The following NUP214 variants were observed in gnomAD, a reference collection of about 807,000 sequenced individuals.
NUP214 encodes nuclear pore complex protein Nup214.
In NUP214, 79 loss-of-function variants were observed where a neutral mutation model predicts 196.2. The ratio of observed to expected loss-of-function variants is 0.40; its 90% confidence interval spans 0.34 to 0.49. The LOEUF (loss-of-function observed/expected upper bound fraction) is 0.49, where lower values mean the gene tolerates loss of function less well. Ranked by LOEUF, NUP214 falls within the 20% of genes least tolerant of loss-of-function variation. The pLI, the probability that NUP214 is intolerant of heterozygous loss-of-function variation, is 0.58. For missense variants in NUP214, 2,468 were observed against 2,539.0 expected (o/e 0.97, Z 0.60); for synonymous variants, 1,020 against 990.5 (o/e 1.03, Z -0.56).
intron 26 of NUP214, chr9:131,189,905 G>C (rs1393386805): frequency 6.5e-6 from 1 of 153,704 alleles, no homozygotes; most frequent in East Asian, 1.8e-4. Context: ...TCTGGCATTT[G>C]TTTCAATCAT....
chr9:131,193,105 G>A (rs971579536), intron 27 of NUP214, among the ~76,000 whole-genome samples: 21 of 152,054 alleles, frequency 1.4e-4, no homozygotes, highest in Admixed American at 7.2e-4. Flanking sequence ...TAATAATGAT[G>A]GCTGTACTTG....
Position 131,232,715 on chromosome 9 carries a change from T to C in NUP214, c.6239+407T>C. On this transcript the variant is annotated intron_variant, in intron 35 of 35. Transcript: ENST00000359428. This position sits in a 1 kb window ranked among gnomAD's most constrained non-coding sequence, Gnocchi z 5.1. ...GCTTCTGTGTAAAATTTCATGGCGTTAAAATTCAGTCTTAGCCAGGTGGGT... is the reference window on the plus strand; with the variant it reads ...GCTTCTGTGTAAAATTTCATGGCGTCAAAATTCAGTCTTAGCCAGGTGGGT... 3.8e-6 allele frequency: 1 copy of C among 265,710 alleles called. No homozygotes were observed. The highest frequency in any genetic ancestry group is 4.9e-5 in the Admixed American group (1 of 20,558). 16.5% of individuals were successfully genotyped at this position (265,710 alleles called of 1,614,324 possible).
chr9:131,175,548 T>C lies in NUP214; in HGVS notation c.3246T>C (p.Pro1082=), dbSNP rs746658420. The C allele has an allele frequency of 4.3e-6, 7 of 1,614,226 alleles. No homozygotes were observed. The highest frequency in any genetic ancestry group is 5.9e-6 in the Non-Finnish European group (7 of 1,180,030). ...CCGTGAAACATGGTGCACCTAGTCC[T>C]TCCCACCCCATCTCAGCCCCGCAGG... ...TKTVKHGAPS[P]SHPISAPQAA... Residue 1082 remains proline, a synonymous_variant, in exon 23 of 36, where the codon CCT becomes CCC. Coordinates refer to ENST00000359428, the MANE Select transcript of NUP214 (RefSeq NM_005085.4).
chr9:131,215,267 G>A lies in NUP214; in HGVS notation c.5648G>A (p.Gly1883Glu), dbSNP rs1246660029. The A allele has an allele frequency of 6.2e-7, 1 of 1,605,966 alleles. No homozygotes were observed. The highest frequency in any genetic ancestry group is 1.3e-5 in the African/African-American group (1 of 74,348). ...GGGTCTGGAAACACTGGAAGAGGGG[G>A]AGGTTTCTTCAGTGGCCTTGGAGGA... ...VFGSGNTGRG[G>E]GFFSGLGGKP... is the part of the protein sequence containing the mutation. Residue 1883 changes from glycine to glutamate, a missense_variant, in exon 31 of 36, where the codon GGA (glycine) becomes GAA (glutamate). By Grantham distance (98) the Gly-to-Glu change is moderately conservative. Coordinates refer to ENST00000359428, the MANE Select transcript of NUP214 (RefSeq NM_005085.4).
Position 131,141,983 on chromosome 9 carries a change from G to A in NUP214, c.1294+1273G>A, listed in dbSNP as rs147694639. 4.7e-3 allele frequency among the ~76,000 whole-genome samples: 717 copies of A among 152,230 alleles called. 3 individuals are homozygous for A. Among genetic ancestry groups the A allele is most frequent in the Middle Eastern group, 0.014 (4 of 294 alleles). ...GGGTATATTCTCTTCCTGCATCCCAGTGCACAGTGAGTTGTATATCACAAA... is the reference window on the plus strand; with the variant it reads ...GGGTATATTCTCTTCCTGCATCCCAATGCACAGTGAGTTGTATATCACAAA... On this transcript the variant is annotated intron_variant, in intron 11 of 35. Transcript: ENST00000359428.
chr9:131,215,383 CT>C lies in NUP214; in HGVS notation c.5749+19del. ...AGCTACCTCAAGTAAGTTGAGAAGA[CT>C]TTTCCCAGTCCCTTGGTCCCCTAAT... On this transcript the variant is annotated intron_variant, in intron 31 of 35. Coordinates refer to ENST00000359428, the MANE Select transcript of NUP214 (RefSeq NM_005085.4). 2 of 1,570,658 alleles carry C rather than the reference CT, an allele frequency of 1.3e-6. No homozygotes were observed. Among genetic ancestry groups the C allele is most frequent in the Non-Finnish European group, 1.7e-6 (2 of 1,159,494 alleles).
chr9:131,193,058 T>G (rs1833657210), intron 27 of NUP214, among the ~76,000 whole-genome samples: 3 of 151,732 alleles, frequency 2.0e-5, no homozygotes, highest in East Asian at 3.9e-4. Flanking sequence ...TATATAGATG[T>G]GGAGGAATCT....
chr9:131,174,100 A>G lies in NUP214; in HGVS notation c.2939A>G (p.Asp980Gly). 6.2e-7 allele frequency: 1 copy of G among 1,613,536 alleles called. No individual in the cohort carries two copies. Among genetic ancestry groups the G allele is most frequent in the Non-Finnish European group, 8.5e-7 (1 of 1,179,868 alleles). ...SAFLSQRYYE[D>G]LDEVSSTSSV... ...TTTCTGTCTCAGAGATATTATGAAG[A>G]CTTGGATGAAGTCAGCTCAACGTCA... The change falls in exon 22 of 36, where the codon GAC (aspartate) becomes GGC (glycine). Residue 980 changes from aspartate (D) to glycine (G), a missense_variant. Around this residue, in one of 5 missense-constraint regions of NUP214, gnomAD observed 1,801 missense variants for 1,779.4 expected, o/e 1.01. Transcript: ENST00000359428.
chr9:131,198,311 C>G lies in NUP214; in HGVS notation c.4817C>G (p.Pro1606Arg). Residue 1606 changes from proline to arginine, a missense_variant, in exon 29 of 36, where the codon CCT becomes CGT. Pro to Arg is a moderately radical substitution (Grantham distance 103). Coordinates refer to ENST00000359428, the MANE Select transcript of NUP214 (RefSeq NM_005085.4). The part of the protein sequence containing the change: ...VTAAAISSAG[P>R]VAVETSSTPI... ...GCAGCTGCTATCTCAAGTGCAGGCC[C>G]TGTGGCCGTCGAAACATCAAGTACC... 6.2e-7 allele frequency: 1 copy of G among 1,614,232 alleles called. No individual in the cohort carries two copies. The highest frequency in any genetic ancestry group is 2.2e-5 in the East Asian group (1 of 44,882).
rs376855517 is a variant in NUP214 at position 131,197,645 on chromosome 9, C to G, written c.4151C>G (p.Thr1384Arg). Residue 1384 changes from threonine to arginine, a missense_variant, in exon 29 of 36, where the codon ACG becomes AGG. Around this residue, in one of 5 missense-constraint regions of NUP214, gnomAD observed 1,801 missense variants for 1,779.4 expected, o/e 1.01. Transcript: ENST00000359428. The stretch of plus-strand genomic sequence containing the variant: ...GCCCCCCCGGTGTTAGGGAAGCACA[C>G]GGAGCCCCCTGTGACATCCTCTGCA... ...FTAPPVLGKH[T>R]EPPVTSSATT... The G allele has an allele frequency of 1.9e-6, 3 of 1,614,056 alleles. No individual in the cohort carries two copies. The African/African-American group carries it at 4.0e-5, about 22-fold the overall frequency.
Position 131,163,143 on chromosome 9 carries a change from C to T in NUP214, c.2693C>T (p.Ser898Leu), listed in dbSNP as rs752238998. 73 of 1,613,390 alleles carry T rather than the reference C, an allele frequency of 4.5e-5. No homozygotes were observed. The highest frequency in any genetic ancestry group is 1.1e-4 in the East Asian group (5 of 44,896). Residue 898 changes from serine to leucine, a missense_variant, in exon 19 of 36, where the codon TCG (serine) becomes TTG (leucine). Ser to Leu is a moderately radical substitution (Grantham distance 145). Coordinates refer to ENST00000359428, the MANE Select transcript of NUP214 (RefSeq NM_005085.4). ...YKQTSLWSLS[S>L]AVPSQSSIHS... Reference sequence around the variant, plus strand: ...CAGACTTCCCTGTGGAGCCTGTCCTCGGCTGTTCCTTCCCAGAGCAGCATT... The same window carrying T: ...CAGACTTCCCTGTGGAGCCTGTCCTTGGCTGTTCCTTCCCAGAGCAGCATT...
At chr9:131,127,750 A>G (rs754824631) in intron 2 of NUP214, 31 bp downstream of exon 2, 1 of 1,522,310 alleles carries the variant, frequency 6.6e-7, no homozygotes, top group South Asian at 1.1e-5. Flanking sequence ...TGCAAAGTAG[A>G]GAGAGGAGTA....
intron 25 of NUP214, among the ~76,000 whole-genome samples, chr9:131,188,330 C>G (rs1383500535): frequency 6.6e-6 from 1 of 152,174 alleles, no homozygotes; most frequent in African/African-American, 2.4e-5. Flanking sequence ...GTTAAACAAT[C>G]CAGAAAAAAG....
intron 30 of NUP214, among the ~76,000 whole-genome samples, chr9:131,203,187 C>T (rs936647571): frequency 4.0e-5 from 6 of 151,018 alleles, no homozygotes; most frequent in East Asian, 2.0e-4. Flanking sequence ...TCTCGTGATC[C>T]GCCCACCTCA....
At position 131,197,249 on chromosome 9, in the gene NUP214, C is replaced by T. The variant is rs763173091; in HGVS notation, c.3755C>T (p.Pro1252Leu). 22 of 1,614,144 alleles carry T rather than the reference C, an allele frequency of 1.4e-5. No homozygotes were observed. The highest frequency in any genetic ancestry group is 2.2e-5 in the South Asian group (2 of 91,072). ...ATPSTKESSQ[P>L]DAFSSGGGSK... is the part of the protein sequence containing the mutation. ...CCCTCCACTAAAGAGTCAAGCCAGC[C>T]GGACGCATTCTCATCTGGTGGGGGA... The change falls in exon 29 of 36, where the codon CCG (proline) becomes CTG (leucine). Residue 1252 changes from proline (P) to leucine (L), a missense_variant. Pro to Leu is a moderately conservative substitution (Grantham distance 98, BLOSUM62 -3). Coordinates refer to ENST00000359428, the MANE Select transcript of NUP214 (RefSeq NM_005085.4).
At chr9:131,151,489 A>G (rs949130255) in intron 16 of NUP214, among the ~76,000 whole-genome samples, 1 of 152,230 alleles carries the variant, frequency 6.6e-6, no homozygotes, top group Non-Finnish European at 1.5e-5. Context: ...TGTTAGAGCT[A>G]CTGTCTTTGT....
intron 21 of NUP214, chr9:131,166,983 C>T (rs1301754357): frequency 6.6e-6 from 1 of 152,120 alleles, no homozygotes; most frequent in Admixed American, 6.6e-5. Context: ...TGCTCTCTTA[C>T]ACACCATAAT....
At chr9:131,151,126 AAAG>A (rs1832247664) in intron 16 of NUP214, among the ~76,000 whole-genome samples, 1 of 152,250 alleles carries the variant, frequency 6.6e-6, no homozygotes, top group Non-Finnish European at 1.5e-5. Context: ...GATTTTTAAA[AAAG>A]GATATTTTAG....
intron 30 of NUP214, among the ~76,000 whole-genome samples, chr9:131,206,709 T>C (rs1310787422): frequency 6.6e-6 from 1 of 152,168 alleles, no homozygotes; most frequent in Non-Finnish European, 1.5e-5. Flanking sequence ...CCCAAAGTGC[T>C]GATGAGATTA....
Sources: allele counts gnomAD v4.1 joint callset (sites outside exome capture counted in the v4.1 genomes callset), GRCh38; gene constraint gnomAD v4.1.1; regional missense constraint gnomAD v4.1.1; non-coding constraint Gnocchi (gnomAD v3.1); transcripts MANE v1.5; gene names NCBI Gene and HGNC (gene_info 2026-07-23, HGNC 2026-07-21).